EPS15L1: variants seen among roughly 807,000 people sequenced by gnomAD.
EPS15L1 encodes the protein epidermal growth factor receptor pathway substrate 15 like 1, also known as epidermal growth factor receptor substrate 15-like 1.
In EPS15L1, 43 loss-of-function variants were observed where a neutral mutation model predicts 117.1. That is an observed-to-expected ratio of 0.37 (90% CI 0.29 to 0.47). The LOEUF is 0.47. Ranked by LOEUF, EPS15L1 falls within the 20% of genes least tolerant of loss-of-function variation. The pLI, the probability that EPS15L1 is intolerant of heterozygous loss-of-function variation, is 0.99. For missense variants in EPS15L1, 981 were observed against 1,164.0 expected, an observed-to-expected ratio of 0.84 and a Z score of 2.29; for synonymous variants, 459 against 470.5, an observed-to-expected ratio of 0.98 and a Z score of 0.32.
rs4808509 is a variant in EPS15L1 at position 16,428,536 on chromosome 19, G to A, written c.558+166C>T. 8.6e-4 allele frequency among the ~76,000 whole-genome samples: 119 copies of A among 137,942 alleles called. 3 individuals carry two copies. The highest frequency in any genetic ancestry group is 5.0e-3 in the South Asian group (22 of 4,430). 90.5% of individuals were successfully genotyped at this position (137,942 alleles called of 152,430 possible). On this transcript the variant is annotated intron_variant, in intron 8 of 23. Transcript: ENST00000455140. ...GAGAAAGAAAGTGAAAGAAAGAAAG[G>A]AAGAAAGACAGAAAAGAAAGGAAAA...
chr19:16,398,783 C>A (rs1473007202), intron 16 of EPS15L1, among the ~76,000 whole-genome samples: 1 of 152,120 alleles, frequency 6.6e-6, no homozygotes, highest in African/African-American at 2.4e-5. Context: ...GGCAGGTTTA[C>A]CTCTCCTTAG....
chr19:16,435,409 A>G (rs1359532434), intron 6 of EPS15L1: 1 of 152,292 alleles, frequency 6.6e-6, no homozygotes, highest in Non-Finnish European at 1.5e-5. Flanking sequence ...AGGGGCCATG[A>G]GTGAGGCAGT....
At chr19:16,428,647 T>C in intron 8 of EPS15L1, 55 bp downstream of exon 8, 2 of 1,344,476 alleles carry the variant, frequency 1.5e-6, no homozygotes, top group Middle Eastern at 1.8e-4. Flanking sequence ...CAGCAACCCC[T>C]GCGCACTGCA....
intron 4 of EPS15L1, among the ~76,000 whole-genome samples, chr19:16,440,398 A>G (rs1219306309): frequency 6.6e-6 from 1 of 152,074 alleles, no homozygotes; most frequent in African/African-American, 2.4e-5. Context: ...GCACCACTGC[A>G]CTCCAGCCTG....
intron 7 of EPS15L1, among the ~76,000 whole-genome samples, chr19:16,431,382 C>A (rs1205460117): frequency 2.0e-5 from 3 of 151,126 alleles, no homozygotes; most frequent in African/African-American, 7.3e-5. Context: ...TGGCTCACTG[C>A]AACCTCTGCC....
chr19:16,395,891 G>C (rs996740508), intron 16 of EPS15L1, among the ~76,000 whole-genome samples: 1 of 147,948 alleles, frequency 6.8e-6, no homozygotes, highest in African/African-American at 2.6e-5. Flanking sequence ...GTTGCAGTGA[G>C]CTGAGATTAC....
rs1447503685 is a variant in EPS15L1, at chr19:16,440,764, T to C, written c.213+98A>G. On this transcript the variant is annotated intron_variant, in intron 4 of 23. Transcript: ENST00000455140. ...TGACAGCCGTGCTCATGCCTAGTAA[T>C]ACTTGACAGTGGAGGAATGTGGAAG... is the stretch of plus-strand genomic sequence containing the variant. 3.7e-6 allele frequency: 4 copies of C among 1,071,032 alleles called. No homozygotes were observed. In the Admixed American group the frequency reaches 5.3e-5, roughly 14 times the overall value. 66.3% of individuals were successfully genotyped at this position (1,071,032 alleles called of 1,614,324 possible).
intron 16 of EPS15L1, chr19:16,400,893 A>G (rs1344154447): frequency 1.0e-6 from 1 of 985,314 alleles, no homozygotes; most frequent in African/African-American, 1.7e-5. Context: ...AAAAACCTGC[A>G]AAAGGGACAT....
At chr19:16,394,462 C>T (rs899569875) in intron 17 of EPS15L1, among the ~76,000 whole-genome samples, 4 of 152,192 alleles carry the variant, frequency 2.6e-5, no homozygotes, top group African/African-American at 7.2e-5. Flanking sequence ...CTCTCAGACC[C>T]GGCAGGCTTC....
At position 16,440,694 on chromosome 19, in the gene EPS15L1, T is replaced by C. The variant is rs551033873; in HGVS notation, c.213+168A>G. The C allele has an allele frequency of 7.2e-6, 4 of 557,376 alleles. No homozygotes were observed. In the Admixed American group the frequency reaches 1.1e-4, roughly 15 times the overall value. 34.5% of individuals were successfully genotyped at this position (557,376 alleles called of 1,614,324 possible). A position where few individuals can be genotyped will look rare whatever the true frequency, so the allele number is the denominator to read the frequency against. On this transcript the variant is annotated intron_variant, in intron 4 of 23. Transcript: ENST00000455140. ...TAGCCATGAAAGATGGCTCCAAGTGTTTAAAAGACCTTTATTTCAAAATGA... is the reference window on the plus strand; with the variant it reads ...TAGCCATGAAAGATGGCTCCAAGTGCTTAAAAGACCTTTATTTCAAAATGA...
chr19:16,369,005 G>T (rs1156683937), intron 22 of EPS15L1, among the ~76,000 whole-genome samples: 2 of 152,216 alleles, frequency 1.3e-5, no homozygotes, highest in South Asian at 2.1e-4. Context: ...AAGCTTAGCT[G>T]CGGGGAGAGG....
At chr19:16,464,427 T>C (rs920075275) in intron 1 of EPS15L1, among the ~76,000 whole-genome samples, 1 of 152,178 alleles carries the variant, frequency 6.6e-6, no homozygotes, top group Non-Finnish European at 1.5e-5. Flanking sequence ...CTGGCCACTC[T>C]CTCGGCAAGC....
At chr19:16,432,478 G>A (rs1192346061) in intron 7 of EPS15L1, among the ~76,000 whole-genome samples, 1 of 152,210 alleles carries the variant, frequency 6.6e-6, no homozygotes, top group Non-Finnish European at 1.5e-5. Context: ...TGAGGCAGGA[G>A]AACGGCGTGA....
chr19:16,470,468 G>A (rs1488836328), intron 1 of EPS15L1, among the ~76,000 whole-genome samples: 1 of 151,968 alleles, frequency 6.6e-6, no homozygotes, highest in Non-Finnish European at 1.5e-5. Context: ...CTCATGAAAT[G>A]ATCTTAGGTG....
At chr19:16,403,630 G>A (rs929969956) in intron 15 of EPS15L1, 103 bp downstream of exon 15, 127 of 1,117,820 alleles carry the variant, frequency 1.1e-4, no homozygotes, top group Non-Finnish European at 1.6e-4. Context: ...AGACCCTCAC[G>A]TAAGTAACAA....
intron 21 of EPS15L1, among the ~76,000 whole-genome samples, chr19:16,378,272 G>A (rs1207565258): frequency 1.3e-5 from 2 of 151,904 alleles, no homozygotes; most frequent in East Asian, 1.9e-4. Context: ...GGACTTCATC[G>A]CTGCCCCAGC....
rs2092185223 is a variant in EPS15L1, at chr19:16,369,194, G to A, written c.2381-7210C>T. Among the ~76,000 whole-genome samples, 3 of 152,250 alleles carry A rather than the reference G, an allele frequency of 2.0e-5. No homozygotes were observed. In the South Asian group the frequency reaches 6.2e-4, roughly 32 times the overall value. ...CACGTAAGGGACCTGCAGGCTGGGA[G>A]TCCTGCAGGCACCAGCCCCGCGCGC... On this transcript the variant is annotated intron_variant, in intron 22 of 23. Coordinates refer to ENST00000455140, the MANE Select transcript of EPS15L1 (RefSeq NM_001258374.3).
Position 16,361,973 on chromosome 19 carries a change from G to C in EPS15L1, c.2392C>G (p.Pro798Ala). ...RPKPPSGKST[P>A]VSQLGSADFP... ...TCTGCGGAACCAAGCTGGCTTACAG[G>C]TGTACTTTTACCTGGAAAGTTTAGG... Residue 798 changes from proline to alanine, a missense_variant, in exon 23 of 24, where the codon CCT becomes GCT. Around this residue, in one of 5 missense-constraint regions of EPS15L1, gnomAD observed 819 missense variants for 949.0 expected, o/e 0.86. Transcript: ENST00000455140. 3 of 1,600,646 alleles carry C rather than the reference G, an allele frequency of 1.9e-6. No homozygotes were observed. The highest frequency in any genetic ancestry group is 2.6e-6 in the Non-Finnish European group (3 of 1,175,152).
At chr19:16,464,146 T>A (rs2093278624) in intron 1 of EPS15L1, among the ~76,000 whole-genome samples, 1 of 152,196 alleles carries the variant, frequency 6.6e-6, no homozygotes, top group Admixed American at 6.5e-5. Context: ...ACAGATTCTG[T>A]TATCAGGTCT....
Sources: gnomAD v4.1 joint callset for allele counts (sites outside exome capture counted in the v4.1 genomes callset) on GRCh38, gnomAD v4.1.1 for gene constraint, gnomAD v4.1.1 regional missense constraint, MANE v1.5 for transcripts, NCBI Gene and HGNC (gene_info 2026-07-23, HGNC 2026-07-21) for gene names.